ADCK5: variants seen among roughly 807,000 people sequenced by gnomAD.
ADCK5 encodes uncharacterized aarF domain-containing protein kinase 5.
Under a neutral mutation model 64.9 loss-of-function variants are expected in ADCK5, and 43 were observed. The ratio of observed to expected loss-of-function variants is 0.66; its 90% CI spans 0.52 to 0.85. The LOEUF is 0.85. ADCK5 is among the 40% of genes least tolerant of loss of function. The pLI, the probability that ADCK5 is intolerant of heterozygous loss-of-function variation, is 0.00. For synonymous variants in ADCK5, 434 were observed against 342.8 expected (o/e 1.27, Z -2.94); for missense variants, 760 against 810.5 (o/e 0.94, Z 0.76).
Position 144,384,808 on chromosome 8 carries a change from C to A in ADCK5, c.266+1578C>A, listed in dbSNP as rs116397219. On this transcript the variant is annotated intron_variant, in intron 3 of 14. Transcript: ENST00000308860. The surrounding 1 kb of genome is among the most constrained non-coding windows in gnomAD (Gnocchi z 5.7). The stretch of plus-strand genomic sequence containing the variant: ...GGCTCACTTTGTGGGAAAACATCTT[C>A]TCACAGCTCGCTCTCAGGGGCTGAG... Among the ~76,000 whole-genome samples, 1 of 152,236 alleles carries A rather than the reference C, an allele frequency of 6.6e-6. No individual in the cohort carries two copies. The highest frequency in any genetic ancestry group is 2.1e-4 in the South Asian group (1 of 4,834).
intron 3 of ADCK5, among the ~76,000 whole-genome samples, chr8:144,385,557 G>A (rs1263111846): frequency 1.3e-5 from 2 of 151,416 alleles, no homozygotes; most frequent in Non-Finnish European, 2.9e-5. Context: ...TGAGGCAGGG[G>A]AATCACTTGA....
chr8:144,392,393 G>C (rs1297056819), intron 12 of ADCK5, 48 bp downstream of exon 12: 13 of 1,488,310 alleles, frequency 8.7e-6, no homozygotes, highest in Non-Finnish European at 1.2e-5. Context: ...GGAGTCGGGC[G>C]GCGCGGAACC....
At chr8:144,386,986 A>G (rs1819950843) in intron 3 of ADCK5, among the ~76,000 whole-genome samples, 1 of 152,218 alleles carries the variant, frequency 6.6e-6, no homozygotes, top group Admixed American at 6.5e-5. Context: ...ATTGTATAAC[A>G]AGAGTCAGCA....
At chr8:144,378,459 T>A (rs1401175012) in intron 1 of ADCK5, among the ~76,000 whole-genome samples, 2 of 152,046 alleles carry the variant, frequency 1.3e-5, no homozygotes, top group Non-Finnish European at 2.9e-5. Flanking sequence ...GCTTGCTCTC[T>A]CTCTCTCTCC....
intron 3 of ADCK5, among the ~76,000 whole-genome samples, chr8:144,389,049 C>T (rs1820078807): frequency 6.6e-6 from 1 of 152,202 alleles, no homozygotes; most frequent in African/African-American, 2.4e-5. Context: ...GTGTGGTCTG[C>T]CCGCTGCCTG....
intron 3 of ADCK5, chr8:144,389,143 C>T (rs772892813): frequency 5.0e-6 from 2 of 402,178 alleles, no homozygotes; most frequent in Admixed American, 5.2e-5. Flanking sequence ...GGGGCCAGGC[C>T]TGGGGACACC....
intron 2 of ADCK5, among the ~76,000 whole-genome samples, chr8:144,380,328 G>T (rs1188837916): frequency 1.4e-5 from 2 of 138,398 alleles, no homozygotes. Flanking sequence ...ACCTCCCGCA[G>T]TCAGAATTAT....
chr8:144,389,322 G>A (rs1554859902), intron 3 of ADCK5: 1 of 456,526 alleles, frequency 2.2e-6, no homozygotes, highest in East Asian at 6.9e-5. Flanking sequence ...CTTCCTAGTG[G>A]ACCTCAGGCT....
Position 144,374,119 on chromosome 8 carries a change from C to A in ADCK5, c.12+12C>A. The A allele has an allele frequency of 8.0e-7, 1 of 1,248,744 alleles. No homozygotes were observed. The highest frequency in any genetic ancestry group is 1.0e-6 in the Non-Finnish European group (1 of 988,926). 77.4% of individuals were successfully genotyped at this position (1,248,744 alleles called of 1,614,324 possible). A position where few individuals can be genotyped will look rare whatever the true frequency, so the allele number is the denominator to read the frequency against. On this transcript the variant is annotated intron_variant, in intron 1 of 14. Transcript: ENST00000308860. ...AGATGTGGCGACCGGTGAGGACTCT[C>A]CCGGCCCGGGGCGCCCGAGATCCTG...
Position 144,383,262 on chromosome 8 carries a change from G to A in ADCK5, c.266+32G>A, listed in dbSNP as rs370217576. 2.5e-4 allele frequency: 383 copies of A among 1,527,996 alleles called. 2 individuals carry two copies. The Middle Eastern group carries it at 4.6e-3, about 18-fold the overall frequency. The allele number at this position is 1,527,996 out of a possible 1,614,324, so 94.7% of individuals were successfully genotyped here. Reference sequence around the variant, plus strand: ...GGGCCTGGCGGCAGGCAGGGGTTGCGGCGTGGCGGGCGGGGTGTGTGCGGT... The same window carrying A: ...GGGCCTGGCGGCAGGCAGGGGTTGCAGCGTGGCGGGCGGGGTGTGTGCGGT... On this transcript the variant is annotated intron_variant, in intron 3 of 14. Transcript: ENST00000308860.
intron 3 of ADCK5, among the ~76,000 whole-genome samples, chr8:144,389,617 C>A (rs1370911724): frequency 2.0e-5 from 3 of 151,890 alleles, no homozygotes; most frequent in Admixed American, 2.0e-4. Context: ...CACCGAAACC[C>A]GCCTCCTGAC....
At chr8:144,374,380 A>G (rs1819279068) in intron 1 of ADCK5, among the ~76,000 whole-genome samples, 2 of 151,990 alleles carry the variant, frequency 1.3e-5, no homozygotes, top group Admixed American at 1.3e-4. Flanking sequence ...TCTGTTTAGC[A>G]GAGTCGGGGT....
chr8:144,386,651 C>T (rs1044715168), intron 3 of ADCK5, among the ~76,000 whole-genome samples: 1 of 152,234 alleles, frequency 6.6e-6, no homozygotes, highest in African/African-American at 2.4e-5. Context: ...AGCCACCACG[C>T]AGGCCATGCC....
chr8:144,379,043 C>T (rs1819489986), intron 1 of ADCK5, among the ~76,000 whole-genome samples: 1 of 151,568 alleles, frequency 6.6e-6, no homozygotes, highest in African/African-American at 2.4e-5. Context: ...AAGCGATTCT[C>T]CTGCCTCAGC....
intron 3 of ADCK5, among the ~76,000 whole-genome samples, chr8:144,387,816 C>T (rs957204262): frequency 2.0e-5 from 3 of 151,628 alleles, no homozygotes; most frequent in Non-Finnish European, 4.4e-5. Flanking sequence ...ACTGCAACCT[C>T]CACCTCCTGG....
At position 144,393,074 on chromosome 8, in the gene ADCK5, G is replaced by T; in HGVS notation, c.1743G>T (p.Ter581TyrextTer24). 1.3e-6 allele frequency: 2 copies of T among 1,567,552 alleles called. No homozygotes were observed. The highest frequency in any genetic ancestry group is 1.9e-5 in the Admixed American group (1 of 53,562). ...AEELYQYLET[*>Y] is the part of the protein sequence containing the mutation. The stretch of plus-strand genomic sequence containing the variant: ...AGCTCTACCAGTACCTGGAGACCTA[G>T]GGTGCAGCCGCCCAGGGCCGGCGGG... Residue 581 changes from the stop codon to tyrosine, a stop_lost, in exon 15 of 15, where the codon TAG (stop) becomes TAT (tyrosine). Coordinates refer to ENST00000308860, the MANE Select transcript of ADCK5 (RefSeq NM_174922.5).
rs1554860881 is a variant in ADCK5 at position 144,391,998 on chromosome 8, C to T, written c.1072C>T (p.His358Tyr). The change falls in exon 10 of 15, where the codon CAC (histidine) becomes TAC (tyrosine). Residue 358 changes from histidine to tyrosine, a missense_variant. By Grantham distance (83) the His-to-Tyr change is moderately conservative. This residue lies in a region of ADCK5 where 427 missense variants were observed against 518.4 expected (regional missense o/e 0.82). Coordinates refer to ENST00000308860, the MANE Select transcript of ADCK5 (RefSeq NM_174922.5). ...GCAGATATTTTACACCGGCTTCATC[C>T]ACTCGGACCCACATCCTGGCAACGG... ...AEQIFYTGFI[H>Y]SDPHPGNVLV... is the part of the protein sequence containing the mutation. The T allele has an allele frequency of 6.2e-7, 1 of 1,612,748 alleles. No homozygotes were observed. The highest frequency in any genetic ancestry group is 1.7e-5 in the Admixed American group (1 of 60,026).
intron 2 of ADCK5, among the ~76,000 whole-genome samples, chr8:144,381,926 G>T (rs1819675543): frequency 6.7e-6 from 1 of 149,010 alleles, no homozygotes; most frequent in African/African-American, 2.5e-5. Flanking sequence ...AGAAACAGAT[G>T]TGTGCTCAGG....
rs1204073470 is a variant in ADCK5, at chr8:144,376,485, A to G, written c.12+2378A>G. ...TCTACTGGAGGGATCTCTGTCCTGG[A>G]TAAGAATGGGAGTGAGAGACGCAGC... On this transcript the variant is annotated intron_variant, in intron 1 of 14. Transcript: ENST00000308860. The surrounding 1 kb of genome is among the most constrained non-coding windows in gnomAD (Gnocchi z 5.1). 6.6e-6 allele frequency among the ~76,000 whole-genome samples: 1 copy of G among 152,160 alleles called. No homozygotes were observed. Among genetic ancestry groups the G allele is most frequent in the African/African-American group, 2.4e-5 (1 of 41,420 alleles).
Sources: allele counts gnomAD v4.1 joint callset (sites outside exome capture counted in the v4.1 genomes callset), GRCh38; gene constraint gnomAD v4.1.1; regional missense constraint gnomAD v4.1.1; non-coding constraint Gnocchi (gnomAD v3.1); transcripts MANE v1.5; gene names NCBI Gene and HGNC (gene_info 2026-07-23, HGNC 2026-07-21).